STAC2: variants seen among roughly 807,000 people sequenced by gnomAD.
STAC2 encodes the protein SH3 and cysteine-rich domain-containing protein 2.
In STAC2, 36 loss-of-function variants were observed where a neutral mutation model predicts 49.0. That is an observed-to-expected ratio of 0.74 (90% CI 0.56 to 0.97). The LOEUF (loss-of-function observed/expected upper bound fraction) is 0.97. STAC2 is among the 50% of genes least tolerant of loss of function. The probability of loss-of-function intolerance (pLI) is 0.00; values close to 1 mark genes in which losing one functional copy is unlikely to be tolerated. For missense variants in STAC2, 527 were observed against 543.8 expected (o/e 0.97, Z 0.31); for synonymous variants, 239 against 214.7 (o/e 1.11, Z -0.99).
intron 9 of STAC2, 44 bp from the exon 10 acceptor site, chr17:39,213,176 C>A: frequency 6.3e-7 from 1 of 1,597,242 alleles, no homozygotes; most frequent in South Asian, 1.1e-5. Context: ...ACACCCCACC[C>A]CTGCTGCCCA....
In STAC2 at chr17:39,225,472, G is replaced by A. The variant is rs1272767290; in HGVS notation, c.31C>T (p.Pro11Ser). MTEMSEKENE[P>S]DDAATHSPPG... is the part of the protein sequence containing the mutation. ...GGGCTGTGGGTGGCCGCGTCATCCG[G>A]TTCGTTCTCCTTCTCGCTCATCTCG... Residue 11 changes from proline to serine, a missense_variant, in exon 1 of 11, where the codon CCG (proline) becomes TCG (serine). Transcript: ENST00000333461. The surrounding 1 kb of genome is among the most constrained non-coding windows in gnomAD (Gnocchi z 8.2). The A allele has an allele frequency of 1.9e-6, 3 of 1,610,386 alleles. No homozygotes were observed. Among genetic ancestry groups the A allele is most frequent in the Non-Finnish European group, 2.5e-6 (3 of 1,178,862 alleles).
intron 8 of STAC2, 112 bp from the exon 9 acceptor site, chr17:39,213,670 TTC>T (rs374153071): frequency 2.9e-4 from 222 of 754,456 alleles, no homozygotes; most frequent in African/African-American, 2.3e-3. Flanking sequence ...GGAGAGACGA[TTC>T]TTTTTTTTTT....
At chr17:39,213,672 C>CTTTT (rs767714627) in intron 8 of STAC2, 114 bp from the exon 9 acceptor site, 48 of 373,726 alleles carry the variant, frequency 1.3e-4, no homozygotes, top group South Asian at 2.9e-4. Context: ...AGAGACGATT[C>CTTTT]TTTTTTTTTT....
chr17:39,221,316 C>G (rs4794806), intron 1 of STAC2, among the ~76,000 whole-genome samples: 78,035 of 151,310 alleles, frequency 0.52, 20,750 homozygotes, highest in African/African-American at 0.57. Flanking sequence ...GGCTAGGCTG[C>G]TCTCGAACTC....
intron 1 of STAC2, among the ~76,000 whole-genome samples, chr17:39,223,062 A>C (rs1179454647): frequency 6.6e-6 from 1 of 152,200 alleles, no homozygotes. Flanking sequence ...GCTTGGGTGC[A>C]GGGCTGATTC....
In STAC2 at chr17:39,225,523, G is replaced by A. The variant is rs748938394; in HGVS notation, c.-21C>T. The stretch of plus-strand genomic sequence containing the variant: ...GTCATGGTTCGGGGAGAGGGGAGGA[G>A]AGGGTGCCGAGATCCGACGGCAGGC... On this transcript the variant is annotated 5_prime_UTR_variant, in exon 1 of 11. Coordinates refer to ENST00000333461, the MANE Select transcript of STAC2 (RefSeq NM_198993.5). The surrounding 1 kb of genome is among the most constrained non-coding windows in gnomAD (Gnocchi z 8.2). 8.1e-6 allele frequency: 13 copies of A among 1,607,512 alleles called. No individual in the cohort carries two copies. The highest frequency in any genetic ancestry group is 1.0e-5 in the Non-Finnish European group (12 of 1,177,620).
intron 8 of STAC2, 88 bp from the exon 9 acceptor site, chr17:39,213,646 G>T: frequency 9.0e-7 from 1 of 1,109,198 alleles, no homozygotes; most frequent in Non-Finnish European, 1.4e-6. Flanking sequence ...GGGGGACACT[G>T]CAGTCCTCAG....
Position 39,214,784 on chromosome 17 carries a change from G to A in STAC2, c.843+7C>T, listed in dbSNP as rs754971296. The A allele has an allele frequency of 6.2e-7, 1 of 1,613,686 alleles. No individual in the cohort carries two copies. The highest frequency in any genetic ancestry group is 1.3e-5 in the African/African-American group (1 of 74,900). ...GACCTTCCGGGCCAATGCCAGTACA[G>A]GCTCACCTGCTGTCCAGGACTCTTC... On this transcript the variant is annotated splice_region_variant and intron_variant, in intron 7 of 10. Coordinates refer to ENST00000333461, the MANE Select transcript of STAC2 (RefSeq NM_198993.5).
chr17:39,215,167 A>G lies in STAC2; in HGVS notation c.650T>C (p.Met217Thr). 1.2e-6 allele frequency: 2 copies of G among 1,614,066 alleles called. No individual in the cohort carries two copies. The highest frequency in any genetic ancestry group is 1.3e-5 in the African/African-American group (1 of 75,034). The stretch of plus-strand genomic sequence containing the variant: ...GGTGCTGCTGAAACTGGAGCGGTTC[A>G]TCAGTGCCAGGGAGGTGCCATAGCG... ...TLRYGTSLAL[M>T]NRSSFSSTSE... Residue 217 changes from methionine to threonine, a missense_variant, in exon 5 of 11, where the codon ATG (methionine) becomes ACG (threonine). By Grantham distance (81) the Met-to-Thr change is moderately conservative (BLOSUM62 -1). Coordinates refer to ENST00000333461, the MANE Select transcript of STAC2 (RefSeq NM_198993.5).
At position 39,214,817 on chromosome 17, in the gene STAC2, G is replaced by C. The variant is rs770553946; in HGVS notation, c.817C>G (p.Pro273Ala). Reference protein sequence around the residue: ...TAPAESEGPGPEEKSPGQQLP... With the variant: ...TAPAESEGPGAEEKSPGQQLP... ...TGCTGTCCAGGACTCTTCTCCTCTG[G>C]TCCTGGCCCTTCACTCTCTGCTGGG... The change falls in exon 7 of 11, where the codon CCA becomes GCA. Residue 273 changes from proline to alanine, a missense_variant. Physicochemically the swap from Pro to Ala is conservative, Grantham distance 27. Transcript: ENST00000333461. The C allele has an allele frequency of 6.2e-7, 1 of 1,613,954 alleles. No individual in the cohort carries two copies. Among genetic ancestry groups the C allele is most frequent in the East Asian group, 2.2e-5 (1 of 44,888 alleles).
In STAC2 at chr17:39,217,859, G is replaced by A; in HGVS notation, c.397+8C>T. On this transcript the variant is annotated splice_region_variant and intron_variant, in intron 2 of 10. Coordinates refer to ENST00000333461, the MANE Select transcript of STAC2 (RefSeq NM_198993.5). ...TCCCCGTGGCCGCCTCAGTGCCCAG[G>A]CACCTACCTACGATGAGCTGGTGGC... 6.3e-7 allele frequency: 1 copy of A among 1,597,122 alleles called. No individual in the cohort carries two copies. The highest frequency in any genetic ancestry group is 1.1e-5 in the South Asian group (1 of 88,422).
At chr17:39,224,172 T>C (rs1408427520) in intron 1 of STAC2, among the ~76,000 whole-genome samples, 1 of 151,978 alleles carries the variant, frequency 6.6e-6, no homozygotes, top group Non-Finnish European at 1.5e-5. Context: ...TGCGGGATGG[T>C]CAAGATGGAA....
In STAC2 at chr17:39,210,646, T is replaced by G. The variant is rs1173745737; in HGVS notation, c.*1646A>C. ...ATTGGGCCCGCCCCTGGGATATTGC[T>G]GGGGGGGGGGGCCTCATGGCAGCAA... On this transcript the variant is annotated 3_prime_UTR_variant, in exon 11 of 11. Transcript: ENST00000333461. 1.4e-5 allele frequency: 2 copies of G among 141,896 alleles called. No homozygotes were observed. Among genetic ancestry groups the G allele is most frequent in the Admixed American group, 7.0e-5 (1 of 14,236 alleles). 8.8% of individuals were successfully genotyped at this position (141,896 alleles called of 1,614,324 possible). A position where few individuals can be genotyped will look rare whatever the true frequency, so the allele number is the denominator to read the frequency against.
rs1244644632 is a variant in STAC2, at chr17:39,214,315, G to A, written c.859C>T (p.Leu287=). Residue 287 remains leucine, a synonymous_variant, in exon 8 of 11, where the codon CTG becomes TTG. Coordinates refer to ENST00000333461, the MANE Select transcript of STAC2 (RefSeq NM_198993.5). The stretch of plus-strand genomic sequence containing the variant: ...TACATGGGCCCCACATCCTTCCGCA[G>A]GGTGGCTTTGGGGAGCTGCGGGAGA... ...SPGQQLPKAT[L]RKDVGPMYSY... 5 of 1,614,008 alleles carry A rather than the reference G, an allele frequency of 3.1e-6. No homozygotes were observed. The highest frequency in any genetic ancestry group is 4.2e-6 in the Non-Finnish European group (5 of 1,179,930).
chr17:39,224,790 C>G (rs190251119), intron 1 of STAC2, among the ~76,000 whole-genome samples: 1 of 152,160 alleles, frequency 6.6e-6, no homozygotes, highest in East Asian at 1.9e-4. Context: ...CGACGGCCGG[C>G]GCTGCTGCAG....
At position 39,213,141 on chromosome 17, in the gene STAC2, G is replaced by A. The variant is rs760663957; in HGVS notation, c.994-9C>T. ...CGGTCGCCGATCTTGCCCTGGGGATGAGGTTGGCAATGAACACCCGCGCCA... is the reference window on the plus strand; with the variant it reads ...CGGTCGCCGATCTTGCCCTGGGGATAAGGTTGGCAATGAACACCCGCGCCA... On this transcript the variant is annotated splice_polypyrimidine_tract_variant and intron_variant, in intron 9 of 10. Coordinates refer to ENST00000333461, the MANE Select transcript of STAC2 (RefSeq NM_198993.5). 1 of 1,605,130 alleles carries A rather than the reference G, an allele frequency of 6.2e-7. No individual in the cohort carries two copies. Among genetic ancestry groups the A allele is most frequent in the Non-Finnish European group, 8.5e-7 (1 of 1,179,954 alleles).
chr17:39,216,298 T>C (rs906250359), intron 4 of STAC2, among the ~76,000 whole-genome samples: 1 of 152,226 alleles, frequency 6.6e-6, no homozygotes, highest in African/African-American at 2.4e-5. Context: ...ACACATTCTA[T>C]GCTCTATTCC....
At position 39,223,354 on chromosome 17, in the gene STAC2, G is replaced by A. The variant is rs887399478; in HGVS notation, c.90+2059C>T. ...CACCTCTGCCCTGCTGAATACCCCCGACCCAACCCACAGCCCAGTCTGTGT... is the reference window on the plus strand; with the variant it reads ...CACCTCTGCCCTGCTGAATACCCCCAACCCAACCCACAGCCCAGTCTGTGT... On this transcript the variant is annotated intron_variant, in intron 1 of 10. Transcript: ENST00000333461. 3.9e-5 allele frequency among the ~76,000 whole-genome samples: 6 copies of A among 152,270 alleles called. No homozygotes were observed. The East Asian group carries it at 7.7e-4, about 20-fold the overall frequency.
intron 7 of STAC2, 86 bp downstream of exon 7, chr17:39,214,705 T>C: frequency 1.4e-6 from 2 of 1,474,874 alleles, no homozygotes; most frequent in South Asian, 1.3e-5. Flanking sequence ...CGCACCATGC[T>C]CTTGCCCCCC....
Sources: allele counts gnomAD v4.1 joint callset (sites outside exome capture counted in the v4.1 genomes callset), GRCh38; gene constraint gnomAD v4.1.1; non-coding constraint Gnocchi (gnomAD v3.1); transcripts MANE v1.5; gene names NCBI Gene and HGNC (gene_info 2026-07-23, HGNC 2026-07-21).